Variants in STXBP6 observed in about 807,000 individuals in gnomAD.
STXBP6 encodes syntaxin binding protein 6, also known as syntaxin-binding protein 6.
STXBP6 carries 21 observed loss-of-function variants against 26.9 expected under a neutral mutation model. That is an observed-to-expected ratio of 0.78 (90% CI 0.55 to 1.12). The LOEUF (loss-of-function observed/expected upper bound fraction) is 1.12. Ranked by LOEUF, STXBP6 falls within the 50% of genes most tolerant of loss-of-function variation. The pLI, the probability that STXBP6 is intolerant of heterozygous loss-of-function variation, is 0.00. For missense variants in STXBP6, 232 were observed against 257.9 expected, an observed-to-expected ratio of 0.90 and a Z score of 0.69; for synonymous variants, 97 against 92.6, an observed-to-expected ratio of 1.05 and a Z score of -0.27.
At chr14:24,971,029 C>T (rs1305108394) in intron 2 of STXBP6, among the ~76,000 whole-genome samples, 1 of 152,164 alleles carries the variant, frequency 6.6e-6, no homozygotes, top group Non-Finnish European at 1.5e-5. Context: ...CAAATCCTAT[C>T]CCAAGACACC....
chr14:24,903,142 T>G (rs2071271609), intron 2 of STXBP6, among the ~76,000 whole-genome samples: 1 of 152,202 alleles, frequency 6.6e-6, no homozygotes, highest in Non-Finnish European at 1.5e-5. Flanking sequence ...TCCTCTGAAT[T>G]ATCACATGTG....
At chr14:24,957,451 T>C (rs1026961525) in intron 2 of STXBP6, among the ~76,000 whole-genome samples, 3 of 152,228 alleles carry the variant, frequency 2.0e-5, no homozygotes, top group Non-Finnish European at 4.4e-5. Flanking sequence ...TGCCCGCTGA[T>C]AGAACTTTGA....
At chr14:24,986,713 A>G (rs1459082135) in intron 1 of STXBP6, among the ~76,000 whole-genome samples, 2 of 152,158 alleles carry the variant, frequency 1.3e-5, no homozygotes, top group African/African-American at 4.8e-5. Context: ...TCTCAGAAAC[A>G]CTGGAATTAT....
At chr14:24,876,810 C>A (rs1407478476) in intron 2 of STXBP6, among the ~76,000 whole-genome samples, 2 of 152,056 alleles carry the variant, frequency 1.3e-5, no homozygotes, top group Non-Finnish European at 2.9e-5. Context: ...TGTTTAAGAA[C>A]ATTAAAAATT....
chr14:24,868,969 A>G (rs1272885958), intron 2 of STXBP6, among the ~76,000 whole-genome samples: 1 of 152,196 alleles, frequency 6.6e-6, no homozygotes, highest in African/African-American at 2.4e-5. Context: ...GAAAATAAAG[A>G]TAATTCTTTG....
intron 1 of STXBP6, among the ~76,000 whole-genome samples, chr14:25,042,903 T>A (rs1392395303): frequency 1.3e-5 from 2 of 152,228 alleles, no homozygotes; most frequent in East Asian, 3.9e-4. Flanking sequence ...TGGACCCAAA[T>A]ACGTTGATGT....
chr14:24,915,774 A>C (rs1015898135), intron 2 of STXBP6, among the ~76,000 whole-genome samples: 7 of 152,252 alleles, frequency 4.6e-5, no homozygotes, highest in Admixed American at 3.3e-4. Context: ...CAATCAATCA[A>C]TCACTCCCTC....
intron 2 of STXBP6, among the ~76,000 whole-genome samples, chr14:24,967,153 C>T (rs73593500): frequency 0.049 from 7,423 of 152,270 alleles, 652 homozygotes; most frequent in African/African-American, 0.17. Flanking sequence ...TTTGCCTCTA[C>T]ATGCTCAGTT....
At chr14:24,829,321 T>C (rs1403672289) in intron 4 of STXBP6, among the ~76,000 whole-genome samples, 1 of 152,230 alleles carries the variant, frequency 6.6e-6, no homozygotes, top group Non-Finnish European at 1.5e-5. Context: ...TCAGTCCTAT[T>C]AAACTGTGAT....
intron 2 of STXBP6, among the ~76,000 whole-genome samples, chr14:24,931,419 G>A (rs1268848967): frequency 6.6e-6 from 1 of 152,076 alleles, no homozygotes; most frequent in Non-Finnish European, 1.5e-5. Context: ...ATCTGGATGT[G>A]TAAAAAAAAG....
intron 3 of STXBP6, among the ~76,000 whole-genome samples, chr14:24,856,494 A>G (rs2069337593): frequency 6.6e-6 from 1 of 152,072 alleles, no homozygotes; most frequent in African/African-American, 2.4e-5. Context: ...CTATAGTAAC[A>G]ATTTATATTT....
chr14:24,925,288 G>C (rs376990886), intron 2 of STXBP6, among the ~76,000 whole-genome samples: 3 of 152,192 alleles, frequency 2.0e-5, no homozygotes, highest in Non-Finnish European at 2.9e-5. Flanking sequence ...CCTCGCCCAA[G>C]TTTTAACTTC....
intron 2 of STXBP6, among the ~76,000 whole-genome samples, chr14:24,898,439 G>A (rs2071080672): frequency 6.6e-6 from 1 of 152,200 alleles, no homozygotes; most frequent in Admixed American, 6.5e-5. Context: ...AGCACTTTGG[G>A]AGGCCAAGGC....
chr14:24,988,968 T>C (rs1467455745), intron 1 of STXBP6, among the ~76,000 whole-genome samples: 3 of 152,162 alleles, frequency 2.0e-5, no homozygotes, highest in East Asian at 1.9e-4. Flanking sequence ...TTCACTGAAG[T>C]GGGAAGGAAC....
intron 4 of STXBP6, among the ~76,000 whole-genome samples, chr14:24,832,550 C>T (rs2068487212): frequency 6.6e-6 from 1 of 152,160 alleles, no homozygotes; most frequent in Non-Finnish European, 1.5e-5. Context: ...ATTCATTAGT[C>T]ATTCTATGGT....
At chr14:24,903,793 A>G (rs747691123) in intron 2 of STXBP6, among the ~76,000 whole-genome samples, 1 of 152,356 alleles carries the variant, frequency 6.6e-6, no homozygotes, top group South Asian at 2.1e-4. Flanking sequence ...TACAAATTAC[A>G]TAACAGTACT....
chr14:24,965,827 C>T (rs2073716555), intron 2 of STXBP6, among the ~76,000 whole-genome samples: 1 of 152,158 alleles, frequency 6.6e-6, no homozygotes, highest in African/African-American at 2.4e-5. Flanking sequence ...AAAAGCCTCA[C>T]TACCACAGAA....
At chr14:24,857,223 C>T in intron 2 of STXBP6, 66 bp from the exon 3 acceptor site, 1 of 1,602,052 alleles carries the variant, frequency 6.2e-7, no homozygotes, top group Non-Finnish European at 8.5e-7. Context: ...ACATTCAGTG[C>T]TGTTTCTACA....
At position 24,931,059 on chromosome 14, in the gene STXBP6, C is replaced by T. The variant is rs1387573800; in HGVS notation, c.154+43606G>A. ...CCGGGAAGCGGAGCTTGCAGTGAGCCGAGATTGCGCCACTGCAGTCCGCAG... is the reference window on the plus strand; with the variant it reads ...CCGGGAAGCGGAGCTTGCAGTGAGCTGAGATTGCGCCACTGCAGTCCGCAG... On this transcript the variant is annotated intron_variant, in intron 2 of 5. Coordinates refer to ENST00000323944, the MANE Select transcript of STXBP6 (RefSeq NM_001394410.1). Among the ~76,000 whole-genome samples the T allele has an allele frequency of 3.2e-5, 4 of 125,168 alleles. No individual in the cohort carries two copies. The East Asian group carries it at 7.1e-4, about 22-fold the overall frequency. 82.1% of individuals were successfully genotyped at this position (125,168 alleles called of 152,430 possible). A position where few individuals can be genotyped will look rare whatever the true frequency, so the allele number is the denominator to read the frequency against.
Sources: allele counts gnomAD v4.1 joint callset (sites outside exome capture counted in the v4.1 genomes callset), GRCh38; gene constraint gnomAD v4.1.1; transcripts MANE v1.5; gene names NCBI Gene and HGNC (gene_info 2026-07-23, HGNC 2026-07-21).